CCDC171: variants seen among roughly 807,000 people sequenced by gnomAD.
CCDC171 encodes coiled-coil domain-containing protein 171.
In CCDC171, 177 loss-of-function variants were observed where a neutral mutation model predicts 168.2. The observed-to-expected ratio is 1.05, with a 90% CI of 0.93 to 1.19. The LOEUF (loss-of-function observed/expected upper bound fraction) is 1.19, where lower values mean the gene tolerates loss of function less well. Among genes scored for constraint, CCDC171 ranks in the 50% most tolerant of loss-of-function variants. CCDC171 has a pLI of 0.00. For synonymous variants in CCDC171, 687 were observed against 540.8 expected (o/e 1.27, Z -3.75); for missense variants, 1,991 against 1,539.0 (o/e 1.29, Z -4.91).
intron 16 of CCDC171, among the ~76,000 whole-genome samples, chr9:15,732,532 A>G (rs1174622722): frequency 6.6e-6 from 1 of 152,134 alleles, no homozygotes; most frequent in Non-Finnish European, 1.5e-5. Context: ...TGTCATATAA[A>G]TGGACTCATA....
intron 3 of CCDC171, among the ~76,000 whole-genome samples, chr9:16,005,305 C>T (rs1832664360): frequency 6.6e-6 from 1 of 152,194 alleles, no homozygotes; most frequent in Non-Finnish European, 1.5e-5. Flanking sequence ...AAGATTCTTC[C>T]ATGTTGTAAC....
At chr9:15,978,688 A>T (rs1831694945), downstream of CCDC171, among the ~76,000 whole-genome samples, 1 of 152,182 alleles carries the variant, frequency 6.6e-6, no homozygotes. Flanking sequence ...GAATTCGAAC[A>T]CCTAGGTTAG....
At chr9:15,555,675 A>T (rs768851204) in intron 1 of CCDC171, among the ~76,000 whole-genome samples, 2 of 152,132 alleles carry the variant, frequency 1.3e-5, no homozygotes, top group Non-Finnish European at 2.9e-5. Context: ...GTGACTGAGT[A>T]TCTATTTTTA....
At chr9:15,684,276 C>G (rs560860445) in intron 10 of CCDC171, among the ~76,000 whole-genome samples, 1 of 152,016 alleles carries the variant, frequency 6.6e-6, no homozygotes, top group South Asian at 2.1e-4. Context: ...CAAAAATGTT[C>G]AGAAATTATA....
At position 15,610,330 on chromosome 9, in the gene CCDC171, G is replaced by A. The variant is rs375000527; in HGVS notation, c.676-12937G>A. Among the ~76,000 whole-genome samples, 83 of 150,498 alleles carry A rather than the reference G, an allele frequency of 5.5e-4. 2 individuals are homozygous for A. In the East Asian group the frequency reaches 0.015, roughly 27 times the overall value. ...AGCTTAAACCTCCTGGGCTCGGCTG[G>A]GCGCGATGGCTCATGCCTGTAATCC... On this transcript the variant is annotated intron_variant, in intron 6 of 25. Coordinates refer to ENST00000380701, the MANE Select transcript of CCDC171 (RefSeq NM_173550.4).
chr9:15,692,738 C>T (rs1483635241), intron 10 of CCDC171, among the ~76,000 whole-genome samples: 6 of 151,520 alleles, frequency 4.0e-5, no homozygotes, highest in South Asian at 2.1e-4. Flanking sequence ...TGTGTTAGCC[C>T]GTATGATGTG....
intron 3 of CCDC171, among the ~76,000 whole-genome samples, chr9:16,012,146 T>G (rs943488820): frequency 1.3e-5 from 2 of 152,210 alleles, no homozygotes; most frequent in African/African-American, 4.8e-5. Context: ...TCCTCTGTGC[T>G]GCCCAAGGAG....
At position 15,553,792 on chromosome 9, in the gene CCDC171, T is replaced by C. The variant is rs969982078; in HGVS notation, c.-112+490T>C. Among the ~76,000 whole-genome samples, 8 of 152,322 alleles carry C rather than the reference T, an allele frequency of 5.3e-5. No individual in the cohort carries two copies. The South Asian group carries it at 1.7e-3, about 32-fold the overall frequency. ...TAGAATCTGAGTCAGCTGTGCGTTT[T>C]CCCGAAGCTGTAAATTTTCTGCAGA... On this transcript the variant is annotated intron_variant, in intron 1 of 25. Coordinates refer to ENST00000380701, the MANE Select transcript of CCDC171 (RefSeq NM_173550.4).
chr9:16,083,427 T>A, the CCDC171 span, among the ~76,000 whole-genome samples: 1 of 152,212 alleles, frequency 6.6e-6, no homozygotes, highest in South Asian at 2.1e-4. Context: ...TTGGAAACAG[T>A]ACTCTGAGAT....
At chr9:15,609,504 G>A (rs1347143854) in intron 6 of CCDC171, among the ~76,000 whole-genome samples, 5 of 152,272 alleles carry the variant, frequency 3.3e-5, no homozygotes, top group East Asian at 3.9e-4. Context: ...AAGATAATGC[G>A]TATATAGCAT....
intron 24 of CCDC171, among the ~76,000 whole-genome samples, chr9:15,914,250 C>T (rs1824150064): frequency 6.6e-6 from 1 of 152,118 alleles, no homozygotes; most frequent in African/African-American, 2.4e-5. Flanking sequence ...CCACAGCTGC[C>T]CCCCTTCCCC....
chr9:15,776,388 A>C (rs2057331164), intron 18 of CCDC171: 1 of 152,222 alleles, frequency 6.6e-6, no homozygotes, highest in South Asian at 2.1e-4. Context: ...GAGTATGTTT[A>C]TAATGAGTGG....
At chr9:15,676,460 C>T (rs1297411857) in intron 9 of CCDC171, among the ~76,000 whole-genome samples, 1 of 151,716 alleles carries the variant, frequency 6.6e-6, no homozygotes, top group Non-Finnish European at 1.5e-5. Flanking sequence ...GCAGAAATCA[C>T]CCATCTTCTG....
chr9:15,699,149 G>C (rs555395372), intron 11 of CCDC171, among the ~76,000 whole-genome samples: 1 of 151,966 alleles, frequency 6.6e-6, no homozygotes, highest in East Asian at 1.9e-4. Flanking sequence ...AGATGTGTTC[G>C]GAGTTTCTTC....
chr9:16,091,354 T>C, the CCDC171 span, among the ~76,000 whole-genome samples: 1 of 152,138 alleles, frequency 6.6e-6, no homozygotes, highest in Non-Finnish European at 1.5e-5. Context: ...CATTAGAAAA[T>C]TTGCAAGATG....
At chr9:15,712,454 C>G (rs1278325577) in intron 11 of CCDC171, among the ~76,000 whole-genome samples, 1 of 152,170 alleles carries the variant, frequency 6.6e-6, no homozygotes, top group Non-Finnish European at 1.5e-5. Context: ...ACCAGTGAAT[C>G]CTATGGAAAC....
intron 6 of CCDC171, among the ~76,000 whole-genome samples, chr9:15,611,613 G>A (rs940930473): frequency 6.6e-6 from 1 of 152,062 alleles, no homozygotes. Context: ...TTTTTAATAA[G>A]GTGTCTTACC....
chr9:15,571,097 C>CA (rs2040187548), intron 2 of CCDC171, among the ~76,000 whole-genome samples: 1 of 152,198 alleles, frequency 6.6e-6, no homozygotes, highest in Non-Finnish European at 1.5e-5. Context: ...CACTTGTCCA[C>CA]ATGCATTTCA....
At chr9:15,920,149 T>G (rs138775934) in intron 24 of CCDC171, 121 bp from the exon 25 acceptor site, 78 of 557,986 alleles carry the variant, frequency 1.4e-4, no homozygotes, top group Non-Finnish European at 2.1e-4. Flanking sequence ...TTTATTATTT[T>G]AAAGAAAGAT....
Sources: gnomAD v4.1 joint callset for allele counts (sites outside exome capture counted in the v4.1 genomes callset) on GRCh38, gnomAD v4.1.1 for gene constraint, MANE v1.5 for transcripts, NCBI Gene and HGNC (gene_info 2026-07-23, HGNC 2026-07-21) for gene names.